Variants in GALK1 observed in about 807,000 individuals in gnomAD.
GALK1 encodes galactokinase.
In GALK1, 30 loss-of-function variants were observed where a neutral mutation model predicts 38.6. The ratio of observed to expected loss-of-function variants is 0.78; its 90% CI spans 0.58 to 1.05. GALK1 has a LOEUF of 1.05. GALK1 is among the 50% of genes least tolerant of loss of function. GALK1 has a pLI of 0.00. For synonymous variants in GALK1, 240 were observed against 233.6 expected, an observed-to-expected ratio of 1.03 and a Z score of -0.25; for missense variants, 512 against 540.5, an observed-to-expected ratio of 0.95 and a Z score of 0.52.
In GALK1 at chr17:75,752,613, G is replaced by C. The variant is rs367792315; in HGVS notation, c.*23-876C>G. ...ACCTGGGACCCACAAGAGGACAGTGGGGGTCTTGGGTACAGAGTGAGTCCA... is the reference window on the plus strand; with the variant it reads ...ACCTGGGACCCACAAGAGGACAGTGCGGGTCTTGGGTACAGAGTGAGTCCA... On this transcript the variant is annotated intron_variant, in intron 8 of 8. Transcript: ENST00000225614. 52 of 1,612,332 alleles carry C rather than the reference G, an allele frequency of 3.2e-5. No homozygotes were observed. The African/African-American group carries it at 6.5e-4, about 20-fold the overall frequency.
At chr17:75,755,532 C>T (rs998999664), downstream of GALK1, among the ~76,000 whole-genome samples, 14 of 152,126 alleles carry the variant, frequency 9.2e-5, no homozygotes, top group South Asian at 6.2e-4. Context: ...GGAGGATGTG[C>T]GGTAGGTGCT....
chr17:75,756,960 C>A (rs756270166), downstream of GALK1: 1 of 1,612,646 alleles, frequency 6.2e-7, no homozygotes. Context: ...CACCGCATTC[C>A]GGGTGGATGG....
chr17:75,759,849 C>T (rs2061580004), intron 5 of GALK1, among the ~76,000 whole-genome samples: 1 of 152,130 alleles, frequency 6.6e-6, no homozygotes, highest in Non-Finnish European at 1.5e-5. Context: ...AGGAACAACT[C>T]AGTGTGGGCA....
At position 75,752,428 on chromosome 17, in the gene GALK1, C is replaced by G; in HGVS notation, c.*23-691G>C. On this transcript the variant is annotated intron_variant, in intron 8 of 8. Coordinates refer to the GALK1 transcript ENST00000225614. ...GGGGGCAGCAGCCAGGGCCCTGGCT[C>G]ACTCCCCTGCCCTGCAGTCCCCATC... The G allele has an allele frequency of 1.2e-6, 2 of 1,613,068 alleles. No individual in the cohort carries two copies. Among genetic ancestry groups the G allele is most frequent in the South Asian group, 2.2e-5 (2 of 91,082 alleles).
downstream of GALK1, chr17:75,755,202 C>G (rs113971947): frequency 1.2e-6 from 2 of 1,604,352 alleles, no homozygotes; most frequent in East Asian, 4.5e-5. Flanking sequence ...GCAGCGCCCT[C>G]CTGGGGCCCA....
downstream of GALK1, chr17:75,751,505 C>T (rs1346381743): frequency 6.7e-6 from 2 of 296,680 alleles, no homozygotes; most frequent in South Asian, 6.6e-5. Flanking sequence ...TTATTTTGTA[C>T]ATTGAGAGGC....
downstream of GALK1, chr17:75,754,612 C>T (rs747052393): frequency 1.1e-5 from 17 of 1,613,796 alleles, 1 homozygote; most frequent in Admixed American, 1.2e-4. Context: ...TTTGCCTTCC[C>T]GGGCAGCACC....
downstream of GALK1, chr17:75,756,729 C>T (rs758820400): frequency 6.2e-7 from 1 of 1,613,308 alleles, no homozygotes. Context: ...TGAGCACTCC[C>T]AGTGCCCCAG....
At chr17:75,751,992 C>A in intron 8 of GALK1, 1 of 750,270 alleles carries the variant, frequency 1.3e-6, no homozygotes, top group South Asian at 1.4e-5. Flanking sequence ...GACATATGTC[C>A]ACGCCAGTCA....
In GALK1 at chr17:75,765,182, C is replaced by T. The variant is rs1032767479; in HGVS notation, c.-46G>A. The T allele has an allele frequency of 3.6e-6, 5 of 1,392,942 alleles. No homozygotes were observed. The highest frequency in any genetic ancestry group is 3.3e-5 in the Admixed American group (1 of 29,888). The allele number at this position is 1,392,942 out of a possible 1,614,324, so 86.3% of individuals were successfully genotyped here. A position where few individuals can be genotyped will look rare whatever the true frequency, so the allele number is the denominator to read the frequency against. ...CACAGCTGCTCCGGCACAGCCCCGT[C>T]GGCGCGGGATGCTCGGGCGGGGCCC... On this transcript the variant is annotated 5_prime_UTR_variant, in exon 1 of 8. Coordinates refer to ENST00000588479, the MANE Select transcript of GALK1 (RefSeq NM_000154.2).
chr17:75,754,932 A>C (rs565719805), downstream of GALK1: 4 of 1,530,258 alleles, frequency 2.6e-6, no homozygotes, highest in Non-Finnish European at 3.6e-6. Flanking sequence ...ACACACACGC[A>C]TGCACACATG....
chr17:75,754,804 T>C (rs2061450004), downstream of GALK1: 7 of 1,613,744 alleles, frequency 4.3e-6, no homozygotes, highest in Non-Finnish European at 5.1e-6. Context: ...CTCACCTCCG[T>C]CTCCTCCCAC....
downstream of GALK1, chr17:75,753,963 G>A (rs1477160457): frequency 7.9e-7 from 1 of 1,262,632 alleles, no homozygotes. Context: ...GCGACACCCG[G>A]GCCCCCCGGA....
At chr17:75,761,740 C>A (rs369838304) in intron 5 of GALK1, among the ~76,000 whole-genome samples, 1 of 150,190 alleles carries the variant, frequency 6.7e-6, no homozygotes, top group Non-Finnish European at 1.5e-5. Context: ...AAAAAGAGAC[C>A]GGCACTATGG....
chr17:75,759,552 A>G (rs1445127684), intron 5 of GALK1, among the ~76,000 whole-genome samples: 2 of 151,974 alleles, frequency 1.3e-5, no homozygotes, highest in Non-Finnish European at 2.9e-5. Flanking sequence ...CAGGCAGGGG[A>G]TGGAAGGAGA....
chr17:75,764,643 C>T lies in GALK1; in HGVS notation c.165+329G>A, dbSNP rs570078461. On this transcript the variant is annotated intron_variant, in intron 1 of 7. Coordinates refer to ENST00000588479, the MANE Select transcript of GALK1 (RefSeq NM_000154.2). ...TGGGGCCCCACGGTGGCCGGAGGCG[C>T]GGAGTGTCCCCTTCTGCGTGGCACA... 14 of 492,100 alleles carry T rather than the reference C, an allele frequency of 2.8e-5. No homozygotes were observed. The Middle Eastern group carries it at 1.5e-3, about 53-fold the overall frequency. 30.5% of individuals were successfully genotyped at this position (492,100 alleles called of 1,614,324 possible).
At chr17:75,754,848 C>T, downstream of GALK1, 2 of 1,613,780 alleles carry the variant, frequency 1.2e-6, no homozygotes, top group Non-Finnish European at 8.5e-7. Flanking sequence ...GCCTCTCCCA[C>T]TAACCCTTCC....
At chr17:75,763,462 T>C in intron 2 of GALK1, 23 bp from the exon 3 acceptor site, 1 of 1,572,622 alleles carries the variant, frequency 6.4e-7, no homozygotes, top group Non-Finnish European at 8.6e-7. Context: ...GAACAGGTGA[T>C]GGTAAGAGGG....
In GALK1 at chr17:75,763,427, G is replaced by C; in HGVS notation, c.368C>G (p.Pro123Arg). 1 of 1,604,754 alleles carries C rather than the reference G, an allele frequency of 6.2e-7. No homozygotes were observed. Among genetic ancestry groups the C allele is most frequent in the Non-Finnish European group, 8.5e-7 (1 of 1,175,898 alleles). The change falls in exon 3 of 8, where the codon CCT becomes CGT. Residue 123 changes from proline (P) to arginine (R), a missense_variant. Transcript: ENST00000588479. ...GCTGACCACCACTGCACTGAAGCCA[G>C]GGAGGGGGGCAGCTGCAGGGGAAAG... ...VIQYYPAAPL[P>R]GFSAVVVSSV...
Sources: allele counts gnomAD v4.1 joint callset (sites outside exome capture counted in the v4.1 genomes callset), GRCh38; gene constraint gnomAD v4.1.1; transcripts MANE v1.5; gene names NCBI Gene and HGNC (gene_info 2026-07-23, HGNC 2026-07-21).